Variants in CHL1 observed in about 807,000 individuals in gnomAD.
CHL1 encodes cell adhesion molecule L1 like.
A neutral mutation model predicts 141.9 loss-of-function variants in CHL1; 96 were observed. That is an observed-to-expected ratio of 0.68 (90% CI 0.57 to 0.80). CHL1 has a LOEUF of 0.80. Ranked by LOEUF, CHL1 falls within the 30% of genes least tolerant of loss-of-function variation. The pLI is 0.00. For synonymous variants in CHL1, 613 were observed against 502.2 expected, an observed-to-expected ratio of 1.22 and a Z score of -2.95; for missense variants, 1,820 against 1,457.2, an observed-to-expected ratio of 1.25 and a Z score of -4.05.
intron 1 of CHL1, among the ~76,000 whole-genome samples, chr3:205,331 T>G (rs1387058499): frequency 1.3e-5 from 2 of 152,090 alleles, no homozygotes; most frequent in East Asian, 3.9e-4. Context: ...CCAGGCTGGT[T>G]TCAAACTCCT....
intron 1 of CHL1, among the ~76,000 whole-genome samples, chr3:211,837 A>T (rs900841909): frequency 1.3e-5 from 2 of 152,182 alleles, no homozygotes; most frequent in African/African-American, 4.8e-5. Flanking sequence ...TACAATGTCT[A>T]TATATTATTT....
intron 16 of CHL1, among the ~76,000 whole-genome samples, chr3:379,745 C>T (rs1410036635): frequency 6.6e-6 from 1 of 151,900 alleles, no homozygotes; most frequent in African/African-American, 2.4e-5. Flanking sequence ...AGTAATCTAC[C>T]AGTGTTTACA....
intron 1 of CHL1, among the ~76,000 whole-genome samples, chr3:203,301 G>A (rs1185676901): frequency 6.6e-6 from 1 of 152,192 alleles, no homozygotes; most frequent in East Asian, 1.9e-4. Context: ...GAGATTTCAT[G>A]TAAAATTCAT....
chr3:398,432 C>T (rs769572576), intron 25 of CHL1, 47 bp downstream of exon 25: 2 of 1,235,678 alleles, frequency 1.6e-6, no homozygotes, highest in Non-Finnish European at 2.3e-6. Flanking sequence ...AATCTATGTC[C>T]TGTAGAATAC....
chr3:244,793 C>T (rs1458884114), intron 2 of CHL1, 101 bp downstream of exon 2: 1 of 152,028 alleles, frequency 6.6e-6, no homozygotes, highest in East Asian at 1.9e-4. Flanking sequence ...GATAAGGAGA[C>T]GTTGCAGAAC....
intron 10 of CHL1, among the ~76,000 whole-genome samples, chr3:351,138 T>C (rs555999197): frequency 3.0e-4 from 46 of 152,294 alleles, no homozygotes; most frequent in Non-Finnish European, 5.6e-4. Flanking sequence ...CACAGTTTTC[T>C]TGACTATAAA....
At chr3:317,289 A>C (rs1376587905) in intron 2 of CHL1, among the ~76,000 whole-genome samples, 1 of 151,998 alleles carries the variant, frequency 6.6e-6, no homozygotes, top group African/African-American at 2.4e-5. Context: ...TTACTGAATA[A>C]TTAGTATCTA....
Position 382,481 on chromosome 3 carries a change from T to C in CHL1, c.1986T>C (p.Ile662=), listed in dbSNP as rs62230379. The C allele has an allele frequency of 2.4e-4, 395 of 1,613,202 alleles. No homozygotes were observed. The highest frequency in any genetic ancestry group is 3.2e-4 in the Non-Finnish European group (377 of 1,179,276). ...ADHNSNISEY[I]VEFEGNKEEP... is the part of the protein sequence containing the mutation. ...CCCTGTTTATACTACCAGAGTATAT[T>C]GTTGAATTTGAAGGAAACAAAGAAG... Residue 662 remains isoleucine, a synonymous_variant, in exon 18 of 28, where the codon ATT becomes ATC. Transcript: ENST00000256509.
At chr3:350,359 G>A (rs1172392193) in intron 10 of CHL1, among the ~76,000 whole-genome samples, 1 of 152,108 alleles carries the variant, frequency 6.6e-6, no homozygotes, top group Non-Finnish European at 1.5e-5. Context: ...ATTTTCTGTG[G>A]ATCCAATCAC....
intron 5 of CHL1, 80 bp from the exon 6 acceptor site, chr3:340,714 A>T: frequency 8.3e-7 from 1 of 1,211,924 alleles, no homozygotes; most frequent in African/African-American, 1.6e-5. Context: ...AATTTTGAAA[A>T]AAAAGAACAT....
intron 2 of CHL1, among the ~76,000 whole-genome samples, chr3:255,585 C>G (rs1694082313): frequency 1.3e-5 from 2 of 152,062 alleles, no homozygotes; most frequent in South Asian, 4.1e-4. Flanking sequence ...CATTTTTATT[C>G]TATTTTGGGC....
chr3:257,990 C>T (rs1319975469), intron 2 of CHL1, among the ~76,000 whole-genome samples: 1 of 152,136 alleles, frequency 6.6e-6, no homozygotes, highest in African/African-American at 2.4e-5. Context: ...CCGGAAGAGG[C>T]AGCATGTTCG....
chr3:366,684 C>CAAAA lies in CHL1; in HGVS notation c.1751+584_1751+587dup, dbSNP rs1167579521. 5.8e-5 allele frequency among the ~76,000 whole-genome samples: 5 copies of CAAAA among 86,524 alleles called. 2 individuals are homozygous for CAAAA. Among genetic ancestry groups the CAAAA allele is most frequent in the Admixed American group, 1.3e-4 (1 of 7,942 alleles). The allele number at this position is 86,524 out of a possible 152,430, so 56.8% of individuals were successfully genotyped here. A position where few individuals can be genotyped will look rare whatever the true frequency, so the allele number is the denominator to read the frequency against. On this transcript the variant is annotated intron_variant, in intron 15 of 27. Coordinates refer to ENST00000256509, the MANE Select transcript of CHL1 (RefSeq NM_006614.4). ...AGAATTGCATGGGCTTGGATGGTTGCAAAAAAAAAAAAAAAAAACTGGAGG... is the reference window on the plus strand; with the variant it reads ...AGAATTGCATGGGCTTGGATGGTTGCAAAAAAAAAAAAAAAAAAAAAACTGGAGG...
At chr3:387,270 G>A (rs757746984) in intron 19 of CHL1, among the ~76,000 whole-genome samples, 2 of 152,138 alleles carry the variant, frequency 1.3e-5, no homozygotes, top group African/African-American at 4.8e-5. Context: ...TACACCCCAC[G>A]TTAAGAACCT....
chr3:219,889 A>G (rs1034255762), intron 1 of CHL1, among the ~76,000 whole-genome samples: 1 of 152,234 alleles, frequency 6.6e-6, no homozygotes, highest in African/African-American at 2.4e-5. Flanking sequence ...CAAATGGCCA[A>G]AATACATACT....
chr3:312,069 A>G (rs766924457), intron 2 of CHL1, among the ~76,000 whole-genome samples: 18 of 152,228 alleles, frequency 1.2e-4, no homozygotes, highest in Non-Finnish European at 2.5e-4. Flanking sequence ...TTTTTATATA[A>G]CCTGTATGTA....
At chr3:294,109 A>G (rs1328854188) in intron 2 of CHL1, among the ~76,000 whole-genome samples, 2 of 152,172 alleles carry the variant, frequency 1.3e-5, no homozygotes, top group African/African-American at 2.4e-5. Context: ...GGTTGAGCCT[A>G]GGAGTTCAAG....
chr3:262,967 A>G (rs574670495), intron 2 of CHL1, among the ~76,000 whole-genome samples: 1 of 152,362 alleles, frequency 6.6e-6, no homozygotes, highest in Admixed American at 6.5e-5. Flanking sequence ...CCTTAATGAC[A>G]GCTTCCTAAT....
intron 15 of CHL1, among the ~76,000 whole-genome samples, chr3:375,792 G>T (rs1706238619): frequency 6.6e-6 from 1 of 152,042 alleles, no homozygotes; most frequent in Non-Finnish European, 1.5e-5. Flanking sequence ...GATGAATTAG[G>T]CTCAATGTTT....
Sources: allele counts gnomAD v4.1 joint callset (sites outside exome capture counted in the v4.1 genomes callset), GRCh38; gene constraint gnomAD v4.1.1; transcripts MANE v1.5; gene names NCBI Gene and HGNC (gene_info 2026-07-23, HGNC 2026-07-21).